Variants in FBXL2 observed in about 807,000 individuals in gnomAD.
FBXL2 encodes the protein F-box/LRR-repeat protein 2.
In FBXL2, 38 loss-of-function variants were observed where a neutral mutation model predicts 69.2. That is an observed-to-expected ratio of 0.55 (90% confidence interval 0.42 to 0.72). The LOEUF is 0.72. Among genes scored for constraint, FBXL2 ranks in the 30% least tolerant of loss-of-function variants. FBXL2 has a pLI of 0.00. For synonymous variants in FBXL2, 192 were observed against 201.3 expected, an observed-to-expected ratio of 0.95 and a Z score of 0.39; for missense variants, 354 against 520.3, an observed-to-expected ratio of 0.68 and a Z score of 3.11.
the FBXL2 span, chr3:33,409,431 C>T: frequency 6.2e-7 from 1 of 1,614,020 alleles, no homozygotes; most frequent in South Asian, 1.1e-5. Flanking sequence ...TACAGAAAAC[C>T]CGGGTTCTCT....
intron 2 of FBXL2, among the ~76,000 whole-genome samples, chr3:33,322,260 A>T (rs1365025788): frequency 6.6e-6 from 1 of 151,540 alleles, no homozygotes; most frequent in African/African-American, 2.4e-5. Context: ...TTATATTTTT[A>T]GTACAGACAG....
chr3:33,406,772 C>T (rs1324366765), downstream of FBXL2, among the ~76,000 whole-genome samples: 1 of 152,182 alleles, frequency 6.6e-6, no homozygotes, highest in Admixed American at 6.6e-5. Context: ...TGAACACAGT[C>T]CCTCCCCAGG....
chr3:33,332,118 TAATAA>T (rs918899818), intron 2 of FBXL2, among the ~76,000 whole-genome samples: 5 of 151,980 alleles, frequency 3.3e-5, no homozygotes, highest in African/African-American at 1.2e-4. Flanking sequence ...AGATACAATA[TAATAA>T]AATAGAAGAA....
chr3:33,344,074 AG>A (rs1381032056), intron 2 of FBXL2, among the ~76,000 whole-genome samples: 1 of 151,972 alleles, frequency 6.6e-6, no homozygotes, highest in African/African-American at 2.4e-5. Context: ...TTCAATTAAT[AG>A]GAAAAAAATA....
At position 33,361,181 on chromosome 3, in the gene FBXL2, G is replaced by A. The variant is rs369880967; in HGVS notation, c.195+1824G>A. Among the ~76,000 whole-genome samples the A allele has an allele frequency of 4.7e-4, 69 of 145,596 alleles. 1 individual carries two copies. The highest frequency in any genetic ancestry group is 1.6e-3 in the African/African-American group (64 of 39,084). On this transcript the variant is annotated intron_variant, in intron 4 of 14. Transcript: ENST00000484457. ...AGGATGGTCTCGATCTCCTGACATC[G>A]TGATCCGCCCGCCTCGGCCTCCCAT...
intron 12 of FBXL2, among the ~76,000 whole-genome samples, chr3:33,395,090 A>G (rs1045974585): frequency 1.3e-5 from 2 of 152,178 alleles, no homozygotes; most frequent in Non-Finnish European, 2.9e-5. Flanking sequence ...GCCATATCTA[A>G]GTGATGTATA....
chr3:33,360,073 T>A (rs2041502133), intron 4 of FBXL2, among the ~76,000 whole-genome samples: 1 of 152,182 alleles, frequency 6.6e-6, no homozygotes, highest in South Asian at 2.1e-4. Context: ...TTTGAGGGTC[T>A]TGAGATTCTG....
chr3:33,289,759 G>A, intron 1 of FBXL2: 1 of 983,760 alleles, frequency 1.0e-6, no homozygotes, highest in Non-Finnish European at 1.2e-6. Flanking sequence ...TCGGATGCTG[G>A]GGCAAGGGAA....
downstream of FBXL2, chr3:33,390,415 T>G: frequency 6.2e-7 from 1 of 1,606,292 alleles, no homozygotes; most frequent in South Asian, 1.1e-5. Flanking sequence ...GCTTAGGAAA[T>G]TAAGCCTATT....
chr3:33,341,565 C>CA (rs1180117701), intron 2 of FBXL2, among the ~76,000 whole-genome samples: 61 of 152,174 alleles, frequency 4.0e-4, no homozygotes, highest in Middle Eastern at 3.4e-3. Flanking sequence ...CATGGTGGCT[C>CA]ACGCCTGTAA....
rs535676721 is a variant in FBXL2 at position 33,285,184 on chromosome 3, G to A, written c.3+7669G>A. The stretch of plus-strand genomic sequence containing the variant: ...GTTTTTGCAGTGGCTGGTACTGGTT[G>A]TTCCTTTCCATGTTTAGCACTTCCT... On this transcript the variant is annotated intron_variant, in intron 1 of 14. Transcript: ENST00000484457. 2.0e-5 allele frequency among the ~76,000 whole-genome samples: 3 copies of A among 152,310 alleles called. No individual in the cohort carries two copies. The East Asian group carries it at 5.8e-4, about 29-fold the overall frequency.
At chr3:33,397,337 T>A (rs1316086702) in intron 12 of FBXL2, 1 of 426,262 alleles carries the variant, frequency 2.3e-6, no homozygotes, top group African/African-American at 2.0e-5. Context: ...ATGTCCTGTA[T>A]CAAGAAGGAG....
At chr3:33,414,087 TAAA>T in the FBXL2 span, 1 of 128,400 alleles carries the variant, frequency 7.8e-6, no homozygotes, top group African/African-American at 3.1e-5. Flanking sequence ...AAGGTTGGAC[TAAA>T]ATACTAAAGA....
intron 1 of FBXL2, among the ~76,000 whole-genome samples, chr3:33,286,980 G>A (rs932746115): frequency 7.2e-5 from 11 of 152,168 alleles, no homozygotes; most frequent in South Asian, 2.1e-4. Context: ...GACCCCTTGC[G>A]CTTTCCAGGT....
intron 12 of FBXL2, among the ~76,000 whole-genome samples, chr3:33,402,561 G>A (rs748505011): frequency 1.3e-5 from 2 of 152,106 alleles, no homozygotes; most frequent in African/African-American, 2.4e-5. Context: ...TGAAAATGGC[G>A]CCTTGTCTAC....
intron 12 of FBXL2, among the ~76,000 whole-genome samples, chr3:33,395,729 C>T (rs1443404378): frequency 7.3e-6 from 1 of 136,888 alleles, no homozygotes; most frequent in Non-Finnish European, 1.5e-5. Context: ...AGAGTTCTCC[C>T]CATACCTAGT....
chr3:33,282,961 G>A (rs1227676613), intron 1 of FBXL2, among the ~76,000 whole-genome samples: 1 of 152,158 alleles, frequency 6.6e-6, no homozygotes, highest in African/African-American at 2.4e-5. Context: ...AGATAATGGG[G>A]TTTTCTAAAT....
At chr3:33,277,306 G>A (rs77302970), upstream of FBXL2, 32,969 of 404,916 alleles carry the variant, frequency 0.081, 1,453 homozygotes, top group Admixed American at 0.1. Context: ...TGGGAGAGGC[G>A]AAGAGGCCCA....
At chr3:33,385,424 A>C (rs1346000421) in intron 14 of FBXL2, 77 bp from the exon 15 acceptor site, 1 of 1,249,142 alleles carries the variant, frequency 8.0e-7, no homozygotes, top group African/African-American at 1.5e-5. Flanking sequence ...AGAGGACTAT[A>C]GGTTTTTCTA....
Sources: allele counts gnomAD v4.1 joint callset (sites outside exome capture counted in the v4.1 genomes callset), GRCh38; gene constraint gnomAD v4.1.1; transcripts MANE v1.5; gene names NCBI Gene and HGNC (gene_info 2026-07-23, HGNC 2026-07-21).